The following PKP4 variants were observed in gnomAD, a reference collection of about 807,000 sequenced individuals.
PKP4 encodes plakophilin 4, also known as plakophilin-4.
PKP4 carries 90 observed loss-of-function variants against 145.1 expected under a neutral mutation model. The observed-to-expected ratio is 0.62, with a 90% CI of 0.52 to 0.74. The LOEUF is 0.74. PKP4 is among the 30% of genes least tolerant of loss of function. The pLI is 0.00. For missense variants in PKP4, 1,340 were observed against 1,482.7 expected, an observed-to-expected ratio of 0.90 and a Z score of 1.58; for synonymous variants, 563 against 577.2, an observed-to-expected ratio of 0.98 and a Z score of 0.35.
chr2:158,674,566 T>C (rs1254355765), intron 19 of PKP4, among the ~76,000 whole-genome samples: 1 of 152,226 alleles, frequency 6.6e-6, no homozygotes, highest in Admixed American at 6.5e-5. Context: ...AAGCAGGCCT[T>C]ACAGTGTGGG....
chr2:158,458,942 A>G (rs1221371309), intron 1 of PKP4, among the ~76,000 whole-genome samples: 3 of 152,204 alleles, frequency 2.0e-5, no homozygotes, highest in African/African-American at 7.2e-5. Flanking sequence ...ACTGAAAAAA[A>G]AAAATAAATG....
chr2:158,489,621 G>A (rs148513376), intron 1 of PKP4, among the ~76,000 whole-genome samples: 67 of 152,254 alleles, frequency 4.4e-4, no homozygotes, highest in Middle Eastern at 6.8e-3. Flanking sequence ...CTCTTCCCAC[G>A]CTGGGCTAAA....
chr2:158,664,274 C>T (rs2056880282), intron 15 of PKP4, among the ~76,000 whole-genome samples: 1 of 152,170 alleles, frequency 6.6e-6, no homozygotes, highest in African/African-American at 2.4e-5. Flanking sequence ...GATAGAGGAC[C>T]TCTGTTCCTC....
At chr2:158,647,559 T>A (rs920217788) in intron 11 of PKP4, among the ~76,000 whole-genome samples, 1 of 150,970 alleles carries the variant, frequency 6.6e-6, no homozygotes, top group Non-Finnish European at 1.5e-5. Context: ...GGCCACATCT[T>A]TATTTTCAGA....
intron 1 of PKP4, among the ~76,000 whole-genome samples, chr2:158,487,664 C>G (rs2105453983): frequency 6.6e-6 from 1 of 152,280 alleles, no homozygotes; most frequent in Admixed American, 6.5e-5. Context: ...TCTGCAAATA[C>G]TATTCCACAC....
At chr2:158,652,191 T>A (rs1158028056) in intron 11 of PKP4, among the ~76,000 whole-genome samples, 2 of 152,288 alleles carry the variant, frequency 1.3e-5, no homozygotes, top group Non-Finnish European at 2.9e-5. Flanking sequence ...GTTCACTTCT[T>A]CGTACCAAGT....
chr2:158,666,871 C>T (rs974009727), intron 16 of PKP4, among the ~76,000 whole-genome samples: 2 of 152,168 alleles, frequency 1.3e-5, no homozygotes, highest in South Asian at 4.1e-4. Flanking sequence ...TCCTGAGCAA[C>T]AAAAAATCTT....
At chr2:158,511,649 T>C (rs1200887282) in intron 1 of PKP4, among the ~76,000 whole-genome samples, 1 of 152,158 alleles carries the variant, frequency 6.6e-6, no homozygotes, top group Non-Finnish European at 1.5e-5. Context: ...CAGTGACAAA[T>C]TGTATTTATC....
At chr2:158,614,579 G>A (rs886590043) in intron 4 of PKP4, among the ~76,000 whole-genome samples, 2 of 152,138 alleles carry the variant, frequency 1.3e-5, no homozygotes, top group Admixed American at 6.5e-5. Context: ...AACGATAGAT[G>A]TCTCAATATG....
chr2:158,642,357 G>T, intron 10 of PKP4, 129 bp from the exon 11 acceptor site: 1 of 674,090 alleles, frequency 1.5e-6, no homozygotes, highest in Non-Finnish European at 2.4e-6. Flanking sequence ...GTCTTATTTG[G>T]AATAAAAAGT....
chr2:158,533,675 C>T (rs1309010208), intron 2 of PKP4: 3 of 344,968 alleles, frequency 8.7e-6, no homozygotes, highest in South Asian at 4.7e-5. Flanking sequence ...CCTGTAATAG[C>T]GTTAGGTATT....
intron 2 of PKP4, among the ~76,000 whole-genome samples, chr2:158,558,513 A>G (rs1405013529): frequency 6.6e-6 from 1 of 152,194 alleles, no homozygotes; most frequent in Non-Finnish European, 1.5e-5. Context: ...AGGTCAGGGT[A>G]GATAGATGGA....
At chr2:158,463,921 A>G (rs1441623494) in intron 1 of PKP4, among the ~76,000 whole-genome samples, 1 of 152,086 alleles carries the variant, frequency 6.6e-6, no homozygotes. Context: ...TCCAGGAGTG[A>G]GGATCCCTGG....
intron 3 of PKP4, 33 bp downstream of exon 3, chr2:158,577,416 C>T (rs1264082318): frequency 2.2e-6 from 3 of 1,342,512 alleles, no homozygotes; most frequent in African/African-American, 1.4e-5. Flanking sequence ...TTTATGCACA[C>T]TCAAGTTACA....
At chr2:158,660,789 C>G (rs377211410) in intron 12 of PKP4, 2 of 152,144 alleles carry the variant, frequency 1.3e-5, no homozygotes, top group African/African-American at 4.8e-5. Context: ...TATGTTTCCT[C>G]TGTTCATCCA....
At chr2:158,548,662 T>TG (rs2045309905) in intron 2 of PKP4, 1 of 163,836 alleles carries the variant, frequency 6.1e-6, no homozygotes, top group Admixed American at 7.6e-5. Context: ...AAGTGCCTCT[T>TG]GCGATGAACC....
chr2:158,563,744 C>T (rs929540748), intron 2 of PKP4, among the ~76,000 whole-genome samples: 2 of 151,996 alleles, frequency 1.3e-5, no homozygotes, highest in Non-Finnish European at 1.5e-5. Context: ...AATTGCCCCA[C>T]CAAGAGTTTG....
At chr2:158,642,727 G>C in intron 11 of PKP4, 28 bp downstream of exon 11, 1 of 1,523,720 alleles carries the variant, frequency 6.6e-7, no homozygotes, top group Non-Finnish European at 8.9e-7. Context: ...TCTCGTCCTA[G>C]AGGAAATGTT....
chr2:158,516,838 T>A (rs989152405), intron 1 of PKP4, among the ~76,000 whole-genome samples: 1 of 151,956 alleles, frequency 6.6e-6, no homozygotes, highest in Non-Finnish European at 1.5e-5. Context: ...ATTTTTTGTA[T>A]TTTTAATAGA....
Sources: gnomAD v4.1 joint callset for allele counts (sites outside exome capture counted in the v4.1 genomes callset) on GRCh38, gnomAD v4.1.1 for gene constraint, MANE v1.5 for transcripts, NCBI Gene and HGNC (gene_info 2026-07-23, HGNC 2026-07-21) for gene names.